Variants in PTPRS observed in about 807,000 individuals in gnomAD.
PTPRS encodes protein tyrosine phosphatase receptor type S.
In PTPRS, 63 loss-of-function variants were observed where a neutral mutation model predicts 215.3. That is an observed-to-expected ratio of 0.29 (90% CI 0.24 to 0.36). The LOEUF (loss-of-function observed/expected upper bound fraction) is 0.36, where lower values mean the gene tolerates loss of function less well. PTPRS is among the 10% of genes least tolerant of loss of function. The pLI, the probability that PTPRS is intolerant of heterozygous loss-of-function variation, is 1.00. For missense variants in PTPRS, 2,258 were observed against 2,825.8 expected (o/e 0.80, Z 4.56); for synonymous variants, 1,404 against 1,191.4 (o/e 1.18, Z -3.68).
rs934102277 is a variant in PTPRS at position 5,211,900 on chromosome 19, C to T, written c.5055+65G>A. ...TCTAGTCCCCATTGCTCGAGGCGGGCCTGATTTTCGGCTCTTTGGGCCTCC... is the reference window on the plus strand; with the variant it reads ...TCTAGTCCCCATTGCTCGAGGCGGGTCTGATTTTCGGCTCTTTGGGCCTCC... On this transcript the variant is annotated intron_variant, in intron 32 of 37. Coordinates refer to ENST00000262963, the MANE Select transcript of PTPRS (RefSeq NM_002850.4). 2.5e-5 allele frequency: 39 copies of T among 1,550,728 alleles called. No homozygotes were observed. The African/African-American group carries it at 5.0e-4, about 20-fold the overall frequency.
chr19:5,271,065 C>A (rs1457354203), intron 4 of PTPRS, among the ~76,000 whole-genome samples: 1 of 152,192 alleles, frequency 6.6e-6, no homozygotes, highest in African/African-American at 2.4e-5. Context: ...GGGCTCCAAG[C>A]TGGTCACAGC....
chr19:5,257,252 C>T lies in PTPRS; in HGVS notation c.706+765G>A, dbSNP rs994839721. Among the ~76,000 whole-genome samples the T allele has an allele frequency of 1.3e-5, 2 of 151,692 alleles. No homozygotes were observed. Among genetic ancestry groups the T allele is most frequent in the Non-Finnish European group, 2.9e-5 (2 of 67,906 alleles). ...AGTAAGCTTCCTTGGGGCAGGGGAG[C>T]GGGGAGGTGCTGGGGCGAGGCCCCC... On this transcript the variant is annotated intron_variant, in intron 8 of 37. Coordinates refer to ENST00000262963, the MANE Select transcript of PTPRS (RefSeq NM_002850.4). This position sits in a 1 kb window ranked among gnomAD's most constrained non-coding sequence, Gnocchi z 4.4.
chr19:5,223,407 G>GA, intron 17 of PTPRS, 110 bp from the exon 18 acceptor site: 1 of 1,222,446 alleles, frequency 8.2e-7, no homozygotes, highest in Non-Finnish European at 1.1e-6. Context: ...ATTTTTTTGA[G>GA]TTGGGGGGGG....
chr19:5,339,699 C>G lies in PTPRS; in HGVS notation c.-95+965G>C, dbSNP rs2050622971. Among the ~76,000 whole-genome samples the G allele has an allele frequency of 6.6e-6, 1 of 151,948 alleles. No homozygotes were observed. The highest frequency in any genetic ancestry group is 6.5e-5 in the Admixed American group (1 of 15,278). ...CCTGGGGGGCTCCCCTCAGGGCACG[C>G]CCCGCGCCCCCTTTAACCCAGTGCC... On this transcript the variant is annotated intron_variant, in intron 1 of 37. Transcript: ENST00000262963. This position sits in a 1 kb window ranked among gnomAD's most constrained non-coding sequence, Gnocchi z 4.2.
At chr19:5,272,371 G>A (rs1412626255) in intron 4 of PTPRS, among the ~76,000 whole-genome samples, 1 of 152,014 alleles carries the variant, frequency 6.6e-6, no homozygotes, top group Non-Finnish European at 1.5e-5. Context: ...GCTGAGGCAG[G>A]CGGATCACTT....
chr19:5,207,753 A>G (rs981907504), intron 37 of PTPRS, among the ~76,000 whole-genome samples, 169 bp downstream of exon 37: 2 of 152,178 alleles, frequency 1.3e-5, no homozygotes, highest in African/African-American at 4.8e-5. Context: ...CTGTTGTGTT[A>G]AAAGGGTTAC....
chr19:5,306,937 G>T (rs562485612), intron 1 of PTPRS, among the ~76,000 whole-genome samples: 4 of 152,198 alleles, frequency 2.6e-5, no homozygotes, highest in African/African-American at 4.8e-5. Flanking sequence ...GAAATGACAC[G>T]TGGAGAAAGT....
chr19:5,222,463 G>T (rs920110745), intron 18 of PTPRS, among the ~76,000 whole-genome samples: 3 of 120,288 alleles, frequency 2.5e-5, no homozygotes, highest in African/African-American at 3.8e-5. Flanking sequence ...AGGAGGAAGA[G>T]GGGGGAGGGG....
intron 16 of PTPRS, among the ~76,000 whole-genome samples, chr19:5,228,440 G>T (rs929005173): frequency 1.3e-5 from 2 of 150,774 alleles, no homozygotes; most frequent in Admixed American, 6.6e-5. Flanking sequence ...CTGCCTCCCA[G>T]GTTCAAACGA....
rs187495015 is a variant in PTPRS, at chr19:5,326,705, A to T, written c.-95+13959T>A. On this transcript the variant is annotated intron_variant, in intron 1 of 37. Transcript: ENST00000262963. ...TGTCAAAAGAAAAAGAAAGAAAAAA[A>T]AAAGAAACGAAGAAAAGAAAGGAAG... 1.8e-3 allele frequency among the ~76,000 whole-genome samples: 281 copies of T among 151,974 alleles called. 2 individuals are homozygous for T. The highest frequency in any genetic ancestry group is 5.2e-4 in the Non-Finnish European group (35 of 67,942).
chr19:5,274,438 GC>G, intron 2 of PTPRS, 94 bp from the exon 3 acceptor site: 1 of 1,366,196 alleles, frequency 7.3e-7, no homozygotes, highest in Non-Finnish European at 9.9e-7. Context: ...TCCATGCCCT[GC>G]CCACGGAAGT....
intron 2 of PTPRS, among the ~76,000 whole-genome samples, chr19:5,277,495 A>T (rs1163951310): frequency 5.3e-5 from 8 of 151,844 alleles, no homozygotes; most frequent in Non-Finnish European, 1.2e-4. Flanking sequence ...TCTCTACTAA[A>T]AATACAAAAA....
At chr19:5,337,171 C>T (rs1041327002) in intron 1 of PTPRS, among the ~76,000 whole-genome samples, 8 of 152,214 alleles carry the variant, frequency 5.3e-5, no homozygotes, top group Non-Finnish European at 1.2e-4. Flanking sequence ...AGGAATTGCT[C>T]TCAGCCGAAA....
chr19:5,223,270 T>C lies in PTPRS; in HGVS notation c.2522A>G (p.Gln841Arg). Residue 841 changes from glutamine to arginine, a missense_variant, in exon 18 of 38, where the codon CAG becomes CGG. By Grantham distance (43) the Gln-to-Arg change is conservative. Transcript: ENST00000262963. ...AVLGRPTLSV[Q>R]QTPEGSLLAR... Reference sequence around the variant, plus strand: ...CAGCAGGCTGCCCTCGGGGGTCTGCTGCACCGACAGGGTTGGGCGGCCCAG... The same window carrying C: ...CAGCAGGCTGCCCTCGGGGGTCTGCCGCACCGACAGGGTTGGGCGGCCCAG... 2 of 1,469,684 alleles carry C rather than the reference T, an allele frequency of 1.4e-6. No homozygotes were observed. The highest frequency in any genetic ancestry group is 1.8e-6 in the Non-Finnish European group (2 of 1,115,728). The allele number at this position is 1,469,684 out of a possible 1,614,324, so 91.0% of individuals were successfully genotyped here.
chr19:5,245,869 C>G lies in PTPRS; in HGVS notation c.895G>C (p.Glu299Gln). Residue 299 changes from glutamate (E) to glutamine (Q), a missense_variant, in exon 10 of 38, where the codon GAA becomes CAA. Transcript: ENST00000262963. ...GCCGAGTCCTTGACATCTGTGAGTT[C>G]CAGCACGTTCCGACCCACGGGCATG... is the stretch of plus-strand genomic sequence containing the variant. ...DDMPVGRNVL[E>Q]LTDVKDSANY... is the part of the protein sequence containing the mutation. 6.2e-7 allele frequency: 1 copy of G among 1,614,038 alleles called. No individual in the cohort carries two copies. Among genetic ancestry groups the G allele is most frequent in the Non-Finnish European group, 8.5e-7 (1 of 1,179,998 alleles).
In PTPRS at chr19:5,287,957, G is replaced by A. The variant is rs1159160373; in HGVS notation, c.-94-1723C>T. Among the ~76,000 whole-genome samples, 1 of 129,110 alleles carries A rather than the reference G, an allele frequency of 7.7e-6. No homozygotes were observed. The highest frequency in any genetic ancestry group is 1.6e-5 in the Non-Finnish European group (1 of 62,320). 84.7% of individuals were successfully genotyped at this position (129,110 alleles called of 152,430 possible). ...AATGCATTCACACAGTCAGGCAGCA[G>A]AGACGGGCACACACACACACACACA... On this transcript the variant is annotated intron_variant, in intron 1 of 37. Coordinates refer to ENST00000262963, the MANE Select transcript of PTPRS (RefSeq NM_002850.4). This position sits in a 1 kb window ranked among gnomAD's most constrained non-coding sequence, Gnocchi z 4.8.
rs71170899 is a variant in PTPRS, at chr19:5,228,347, G to GAA, written c.2376+967_2376+968dup. 1.5e-3 allele frequency among the ~76,000 whole-genome samples: 160 copies of GAA among 105,882 alleles called. 6 individuals are homozygous for GAA. Among genetic ancestry groups the GAA allele is most frequent in the African/African-American group, 4.1e-3 (96 of 23,366 alleles). 69.5% of individuals were successfully genotyped at this position (105,882 alleles called of 152,430 possible). A position where few individuals can be genotyped will look rare whatever the true frequency, so the allele number is the denominator to read the frequency against. ...GCGATAGTGTGAGACTCCGTCTGGAGAAAAAAAAAAAAAAAAGAGACAGGG... is the reference window on the plus strand; with the variant it reads ...GCGATAGTGTGAGACTCCGTCTGGAGAAAAAAAAAAAAAAAAAAGAGACAGGG... On this transcript the variant is annotated intron_variant, in intron 16 of 37. Coordinates refer to ENST00000262963, the MANE Select transcript of PTPRS (RefSeq NM_002850.4).
intron 6 of PTPRS, among the ~76,000 whole-genome samples, 155 bp downstream of exon 6, chr19:5,262,809 C>T (rs910578006): frequency 7.3e-5 from 11 of 151,600 alleles, no homozygotes; most frequent in African/African-American, 2.4e-4. Context: ...GGGCCGGTCG[C>T]GGGGAGGAGG....
chr19:5,237,075 G>A lies in PTPRS; in HGVS notation c.1849+1844C>T, dbSNP rs72981091. Among the ~76,000 whole-genome samples, 4,573 of 152,228 alleles carry A rather than the reference G, an allele frequency of 0.03. 111 individuals are homozygous for A. Among genetic ancestry groups the A allele is most frequent in the Admixed American group, 0.071 (1,084 of 15,296 alleles). ...CTGCTAACTTAAAAGACTTTCTTAC[G>A]AGAGAGGGAACGGCCGAGCGCTGAG... On this transcript the variant is annotated intron_variant, in intron 13 of 37. Transcript: ENST00000262963. This position sits in a 1 kb window ranked among gnomAD's most constrained non-coding sequence, Gnocchi z 4.2.
Sources: gnomAD v4.1 joint callset for allele counts (sites outside exome capture counted in the v4.1 genomes callset) on GRCh38, gnomAD v4.1.1 for gene constraint, Gnocchi (gnomAD v3.1) non-coding constraint, MANE v1.5 for transcripts, NCBI Gene and HGNC (gene_info 2026-07-23, HGNC 2026-07-21) for gene names.